The following KCNJ3 variants were observed in gnomAD, a reference collection of about 807,000 sequenced individuals.
KCNJ3 encodes the protein potassium inwardly rectifying channel subfamily J member 3, also known as G protein-activated inward rectifier potassium channel 1.
KCNJ3 carries 4 observed loss-of-function variants against 39.2 expected under a neutral mutation model. That is an observed-to-expected ratio of 0.10 (90% CI 0.05 to 0.23). The LOEUF (loss-of-function observed/expected upper bound fraction) is 0.23. KCNJ3 is among the 10% of genes least tolerant of loss of function. KCNJ3 has a pLI of 1.00. For missense variants in KCNJ3, 276 were observed against 634.9 expected, an observed-to-expected ratio of 0.43 and a Z score of 6.08; for synonymous variants, 230 against 237.4, an observed-to-expected ratio of 0.97 and a Z score of 0.29.
At chr2:154,728,772 G>A (rs746237391) in intron 2 of KCNJ3, among the ~76,000 whole-genome samples, 3 of 152,100 alleles carry the variant, frequency 2.0e-5, no homozygotes, top group East Asian at 1.9e-4. Context: ...TGTAGTATTC[G>A]TGGGATTCTG....
At chr2:154,731,207 A>T (rs1261034799) in intron 2 of KCNJ3, among the ~76,000 whole-genome samples, 1 of 152,082 alleles carries the variant, frequency 6.6e-6, no homozygotes, top group African/African-American at 2.4e-5. Flanking sequence ...GGGTAACATT[A>T]CCTGCCCTTC....
In KCNJ3 at chr2:154,846,829, T is replaced by G. The variant is rs542806387; in HGVS notation, c.920-7898T>G. 3.3e-5 allele frequency among the ~76,000 whole-genome samples: 5 copies of G among 152,316 alleles called. No individual in the cohort carries two copies. The East Asian group carries it at 7.7e-4, about 23-fold the overall frequency. On this transcript the variant is annotated intron_variant, in intron 2 of 2. Transcript: ENST00000295101. ...GCTTAGAAACCTTAAGTATTGTATT[T>G]GAAATATTTGTTTCTAAAATTCTTA... is the stretch of plus-strand genomic sequence containing the variant.
chr2:154,822,789 G>A (rs1002876111), intron 2 of KCNJ3, among the ~76,000 whole-genome samples: 1 of 151,790 alleles, frequency 6.6e-6, no homozygotes, highest in Non-Finnish European at 1.5e-5. Context: ...TGAATTCACA[G>A]TATACCAAAA....
chr2:154,751,083 C>A (rs553971272), intron 2 of KCNJ3, among the ~76,000 whole-genome samples: 3 of 151,962 alleles, frequency 2.0e-5, no homozygotes, highest in African/African-American at 7.2e-5. Context: ...CAAAATCTCA[C>A]AAATTACCCC....
chr2:154,718,431 G>A (rs1685215922), intron 2 of KCNJ3, among the ~76,000 whole-genome samples: 2 of 152,128 alleles, frequency 1.3e-5, no homozygotes, highest in African/African-American at 4.8e-5. Context: ...GGTGACAACT[G>A]TCTTAGTTTG....
intron 2 of KCNJ3, among the ~76,000 whole-genome samples, chr2:154,749,185 G>C (rs1266273501): frequency 1.3e-5 from 2 of 152,064 alleles, no homozygotes; most frequent in Non-Finnish European, 2.9e-5. Flanking sequence ...TAGAAATTTA[G>C]CCACTGAACA....
intron 2 of KCNJ3, among the ~76,000 whole-genome samples, chr2:154,747,914 G>C (rs1685775254): frequency 6.6e-6 from 1 of 151,860 alleles, no homozygotes; most frequent in African/African-American, 2.4e-5. Context: ...TCAACTGCAT[G>C]GGCTTGGTCA....
At chr2:154,703,542 T>C (rs1023473914) in intron 1 of KCNJ3, among the ~76,000 whole-genome samples, 2 of 151,600 alleles carry the variant, frequency 1.3e-5, no homozygotes, top group African/African-American at 4.8e-5. Context: ...ATATTCCAAA[T>C]TGGATGTTGT....
chr2:154,701,195 A>G (rs1396378102), intron 1 of KCNJ3, among the ~76,000 whole-genome samples: 1 of 152,174 alleles, frequency 6.6e-6, no homozygotes, highest in East Asian at 1.9e-4. Context: ...AGACAGATAG[A>G]AATACTTTGT....
chr2:154,826,401 C>T (rs551895950), intron 2 of KCNJ3, among the ~76,000 whole-genome samples: 1 of 152,184 alleles, frequency 6.6e-6, no homozygotes, highest in South Asian at 2.1e-4. Flanking sequence ...GAATTTCAGA[C>T]CCTTATGTTG....
intron 2 of KCNJ3, among the ~76,000 whole-genome samples, chr2:154,782,541 T>C (rs74955472): frequency 1.3e-5 from 2 of 151,310 alleles, no homozygotes; most frequent in African/African-American, 4.9e-5. Context: ...CACACACACA[T>C]ACACGCAGGC....
At chr2:154,757,824 A>G (rs1685968195) in intron 2 of KCNJ3, among the ~76,000 whole-genome samples, 1 of 152,130 alleles carries the variant, frequency 6.6e-6, no homozygotes, top group Non-Finnish European at 1.5e-5. Flanking sequence ...GGAAAGGAGC[A>G]AGGGAGCTCC....
At position 154,789,790 on chromosome 2, in the gene KCNJ3, G is replaced by A. The variant is rs74379381; in HGVS notation, c.920-64937G>A. On this transcript the variant is annotated intron_variant, in intron 2 of 2. Coordinates refer to ENST00000295101, the MANE Select transcript of KCNJ3 (RefSeq NM_002239.4). ...TTATTGAAATACTTGCCTAGGAAAGGCTTTAGCTATTAAAACATAAATAGG... is the reference window on the plus strand; with the variant it reads ...TTATTGAAATACTTGCCTAGGAAAGACTTTAGCTATTAAAACATAAATAGG... 6.0e-4 allele frequency among the ~76,000 whole-genome samples: 92 copies of A among 152,124 alleles called. No individual in the cohort carries two copies. In the East Asian group the frequency reaches 0.014, roughly 23 times the overall value.
At chr2:154,714,230 T>A (rs1574431605) in intron 2 of KCNJ3, among the ~76,000 whole-genome samples, 1 of 152,342 alleles carries the variant, frequency 6.6e-6, no homozygotes, top group Non-Finnish European at 1.5e-5. Context: ...TGCTCTGAAA[T>A]ATTTTCAGTT....
chr2:154,767,907 TG>T (rs1239544648), intron 2 of KCNJ3, among the ~76,000 whole-genome samples: 5 of 152,220 alleles, frequency 3.3e-5, no homozygotes, highest in Admixed American at 2.6e-4. Flanking sequence ...TATCTCATTG[TG>T]GTTTTGATTT....
intron 2 of KCNJ3, among the ~76,000 whole-genome samples, chr2:154,726,820 CACACACACACACACA>C (rs1685366402): frequency 6.6e-5 from 10 of 150,662 alleles, no homozygotes; most frequent in Middle Eastern, 3.4e-3. Flanking sequence ...CACACACACA[CACACACACACACACA>C]TACACCATGG....
At chr2:154,742,891 T>A (rs953646765) in intron 2 of KCNJ3, among the ~76,000 whole-genome samples, 1 of 151,832 alleles carries the variant, frequency 6.6e-6, no homozygotes. Flanking sequence ...GTCCAATTTG[T>A]CTTTTATTTT....
At chr2:154,747,991 C>T (rs1477801948) in intron 2 of KCNJ3, among the ~76,000 whole-genome samples, 3 of 151,834 alleles carry the variant, frequency 2.0e-5, no homozygotes, top group East Asian at 1.9e-4. Context: ...TAAAGTATGC[C>T]GCTTTGGGAA....
chr2:154,841,405 T>A (rs1207341622), intron 2 of KCNJ3, among the ~76,000 whole-genome samples: 1 of 152,220 alleles, frequency 6.6e-6, no homozygotes, highest in Non-Finnish European at 1.5e-5. Context: ...TTTTTTGTTG[T>A]GTCTCTGGCA....
Sources: gnomAD v4.1 joint callset for allele counts (sites outside exome capture counted in the v4.1 genomes callset) on GRCh38, gnomAD v4.1.1 for gene constraint, MANE v1.5 for transcripts, NCBI Gene and HGNC (gene_info 2026-07-23, HGNC 2026-07-21) for gene names.